Variants in GLS2 observed in about 807,000 individuals in gnomAD.
The protein encoded by GLS2 is glutaminase 2.
GLS2 carries 52 observed loss-of-function variants against 79.0 expected under a neutral mutation model. The ratio of observed to expected loss-of-function variants is 0.66; its 90% CI spans 0.53 to 0.83. The LOEUF (loss-of-function observed/expected upper bound fraction) is 0.83, where lower values mean the gene tolerates loss of function less well. Ranked by LOEUF, GLS2 falls within the 40% of genes least tolerant of loss-of-function variation. The pLI is 0.00. For synonymous variants in GLS2, 238 were observed against 280.8 expected (o/e 0.85, Z 1.52); for missense variants, 561 against 764.8 (o/e 0.73, Z 3.14).
Position 56,473,285 on chromosome 12 carries a change from G to C in GLS2, c.1392C>G (p.Asp464Glu). The change falls in exon 14 of 18, where the codon GAC becomes GAG. Residue 464 changes from aspartate (D) to glutamate (E), a missense_variant. Physicochemically the swap from Asp to Glu is conservative, Grantham distance 45. Transcript: ENST00000311966. ...LVSLFNFHNY[D>E]NLRHCARKLD... Reference sequence around the variant, plus strand: ...ACTTCCGAGCACAGTGCCTCAGGTTGTCATAGTTGTGGAAATTGAAGAGAG... The same window carrying C: ...ACTTCCGAGCACAGTGCCTCAGGTTCTCATAGTTGTGGAAATTGAAGAGAG... The C allele has an allele frequency of 6.2e-7, 1 of 1,614,110 alleles. No homozygotes were observed. The highest frequency in any genetic ancestry group is 8.5e-7 in the Non-Finnish European group (1 of 1,180,032).
intron 15 of GLS2, 184 bp downstream of exon 15, chr12:56,472,503 TATC>T (rs1178866527): frequency 6.4e-6 from 4 of 621,672 alleles, no homozygotes; most frequent in Non-Finnish European, 1.1e-5. Flanking sequence ...TAACATTAAT[TATC>T]ATAGAGCAGA....
chr12:56,471,427 G>A lies in GLS2; in HGVS notation c.*60C>T, dbSNP rs913483652. The A allele has an allele frequency of 2.0e-6, 3 of 1,525,676 alleles. No individual in the cohort carries two copies. The highest frequency in any genetic ancestry group is 2.7e-6 in the Non-Finnish European group (3 of 1,131,966). 94.5% of individuals were successfully genotyped at this position (1,525,676 alleles called of 1,614,324 possible). A position where few individuals can be genotyped will look rare whatever the true frequency, so the allele number is the denominator to read the frequency against. ...TCTCCATAGTATTTTTGGTGGTTAT[G>A]GATTACATGTGTGGCCAGCTCATGC... is the stretch of plus-strand genomic sequence containing the variant. On this transcript the variant is annotated 3_prime_UTR_variant, in exon 18 of 18. Transcript: ENST00000311966.
At position 56,475,956 on chromosome 12, in the gene GLS2, T is replaced by G; in HGVS notation, c.859A>C (p.Lys287Gln). ...LIKMDCNKAE[K>Q]FDFVLQYLNK... ...GCAAGGGAACTTACAAAATCAAACT[T>G]CTCTGCTTTGTTACAGTCCATCTGC... The change falls in exon 8 of 18, where the codon AAG becomes CAG. Residue 287 changes from lysine to glutamine, a missense_variant. By Grantham distance (53) the Lys-to-Gln change is moderately conservative (BLOSUM62 1). Transcript: ENST00000311966. 6.2e-7 allele frequency: 1 copy of G among 1,613,714 alleles called. No homozygotes were observed. Among genetic ancestry groups the G allele is most frequent in the South Asian group, 1.1e-5 (1 of 91,080 alleles).
chr12:56,480,013 G>T, intron 2 of GLS2, 112 bp from the exon 3 acceptor site: 1 of 1,359,986 alleles, frequency 7.4e-7, no homozygotes, highest in Non-Finnish European at 1.0e-6. Context: ...TACAATAGGT[G>T]GAACAAATGG....
intron 14 of GLS2, 195 bp from the exon 15 acceptor site, chr12:56,472,946 G>A (rs1460249414): frequency 8.7e-6 from 5 of 573,504 alleles, no homozygotes; most frequent in African/African-American, 2.0e-5. Context: ...GAAGTGTAGT[G>A]GCGCGCGGTC....
chr12:56,477,906 T>A (rs749235154), intron 6 of GLS2, 27 bp downstream of exon 6: 2 of 1,603,186 alleles, frequency 1.2e-6, no homozygotes, highest in East Asian at 2.2e-5. Flanking sequence ...CAGCTGTAAG[T>A]ACGGTCTGAG....
Position 56,471,619 on chromosome 12 carries a change from A to G in GLS2, c.1677T>C (p.Asp559=), listed in dbSNP as rs1869269386. Reference sequence around the variant, plus strand: ...CCTCCAGATGGTTGAACTGCACAGCATCATCCAGGGGAATGTTGCCCCACC... The same window carrying G: ...CCTCCAGATGGTTGAACTGCACAGCGTCATCCAGGGGAATGTTGCCCCACC... ...KDRWGNIPLD[D]AVQFNHLEVV... Residue 559 remains aspartate (D), a synonymous_variant, in exon 18 of 18, where the codon GAT becomes GAC. Transcript: ENST00000311966. 1.2e-6 allele frequency: 2 copies of G among 1,614,144 alleles called. No individual in the cohort carries two copies. Among genetic ancestry groups the G allele is most frequent in the Non-Finnish European group, 1.7e-6 (2 of 1,180,026 alleles).
At chr12:56,487,670 C>A in intron 1 of GLS2, 1 of 523,108 alleles carries the variant, frequency 1.9e-6, no homozygotes, top group Non-Finnish European at 3.3e-6. Context: ...ACACTCGGCG[C>A]GCATCTGTGA....
intron 8 of GLS2, 131 bp from the exon 9 acceptor site, chr12:56,475,813 C>T (rs1389822974): frequency 1.4e-6 from 2 of 1,402,218 alleles, no homozygotes; most frequent in African/African-American, 2.8e-5. Context: ...CAGATTTCCA[C>T]ATTTCTGGAA....
chr12:56,473,265 C>A lies in GLS2; in HGVS notation c.1412G>T (p.Arg471Leu), dbSNP rs771248266. ...HNYDNLRHCA[R>L]KLDPRREGAE... ...CCCTTCACGCCGTGGGTCTAACTTCCGAGCACAGTGCCTCAGGTTGTCATA... is the reference window on the plus strand; with the variant it reads ...CCCTTCACGCCGTGGGTCTAACTTCAGAGCACAGTGCCTCAGGTTGTCATA... Residue 471 changes from arginine to leucine, a missense_variant, in exon 14 of 18, where the codon CGG becomes CTG. Arg to Leu is a moderately radical substitution (Grantham distance 102, BLOSUM62 -2). This residue lies in a region of GLS2 where 136 missense variants were observed against 228.6 expected (regional missense o/e 0.59). Transcript: ENST00000311966. 6.2e-7 allele frequency: 1 copy of A among 1,614,116 alleles called. No homozygotes were observed. The highest frequency in any genetic ancestry group is 1.1e-5 in the South Asian group (1 of 91,080).
Position 56,485,962 on chromosome 12 carries a change from G to A in GLS2, c.182+1975C>T, listed in dbSNP as rs569936995. ...GAAGCTGAGGCAGAGGTTGCAGTGAGCCGAGATTGCGCCACTGCACTCCAG... is the reference window on the plus strand; with the variant it reads ...GAAGCTGAGGCAGAGGTTGCAGTGAACCGAGATTGCGCCACTGCACTCCAG... On this transcript the variant is annotated intron_variant, in intron 1 of 17. Transcript: ENST00000311966. 6.6e-5 allele frequency among the ~76,000 whole-genome samples: 9 copies of A among 137,358 alleles called. No individual in the cohort carries two copies. The Admixed American group carries it at 7.5e-4, about 11-fold the overall frequency. The allele number at this position is 137,358 out of a possible 152,430, so 90.1% of individuals were successfully genotyped here.
At position 56,473,448 on chromosome 12, in the gene GLS2, T is replaced by C. The variant is rs1029782926; in HGVS notation, c.1356+15A>G. On this transcript the variant is annotated intron_variant, in intron 13 of 17. Transcript: ENST00000311966. Reference sequence around the variant, plus strand: ...TGCTTCAAAAATAGTAAGTACTATATGCAAAGCATCTCACCTGGCAGAAGC... The same window carrying C: ...TGCTTCAAAAATAGTAAGTACTATACGCAAAGCATCTCACCTGGCAGAAGC... The C allele has an allele frequency of 6.2e-7, 1 of 1,609,516 alleles. No individual in the cohort carries two copies. The highest frequency in any genetic ancestry group is 1.3e-5 in the African/African-American group (1 of 74,760).
intron 1 of GLS2, among the ~76,000 whole-genome samples, chr12:56,483,182 G>GT (rs1233634031): frequency 6.6e-6 from 1 of 150,894 alleles, no homozygotes; most frequent in Non-Finnish European, 1.5e-5. Flanking sequence ...CTGGGTTCAA[G>GT]TGATTCTCCT....
intron 1 of GLS2, among the ~76,000 whole-genome samples, chr12:56,483,552 AAG>A (rs1345578520): frequency 6.6e-6 from 1 of 152,186 alleles, no homozygotes; most frequent in African/African-American, 2.4e-5. Context: ...TATTAACTAA[AAG>A]AAGCGTGCTG....
intron 1 of GLS2, 120 bp from the exon 2 acceptor site, chr12:56,480,507 C>T: frequency 1.4e-6 from 1 of 738,814 alleles, no homozygotes; most frequent in Non-Finnish European, 2.5e-6. Context: ...CTCCTTAAGC[C>T]ATCTGATCTA....
chr12:56,486,432 G>A (rs770232212), intron 1 of GLS2, among the ~76,000 whole-genome samples: 2 of 152,228 alleles, frequency 1.3e-5, no homozygotes, highest in Non-Finnish European at 2.9e-5. Flanking sequence ...GGAAGTTGGG[G>A]TGGAGACTAG....
At chr12:56,472,040 C>T (rs1565700521) in intron 16 of GLS2, 79 bp downstream of exon 16, 2 of 1,491,780 alleles carry the variant, frequency 1.3e-6, no homozygotes, top group Non-Finnish European at 9.3e-7. Context: ...CTTGAGGGCA[C>T]ATATAATGAA....
chr12:56,482,160 G>A (rs538504600), intron 1 of GLS2, among the ~76,000 whole-genome samples: 1 of 152,244 alleles, frequency 6.6e-6, no homozygotes, highest in South Asian at 2.1e-4. Flanking sequence ...GAGCCTGGGA[G>A]GTGGAGGTTA....
chr12:56,481,557 A>G (rs1168453847), intron 1 of GLS2, among the ~76,000 whole-genome samples: 1 of 151,234 alleles, frequency 6.6e-6, no homozygotes, highest in Non-Finnish European at 1.5e-5. Flanking sequence ...CTACTCAAAA[A>G]CGTTTGGTAG....
Sources: gnomAD v4.1 joint callset for allele counts (sites outside exome capture counted in the v4.1 genomes callset) on GRCh38, gnomAD v4.1.1 for gene constraint, gnomAD v4.1.1 regional missense constraint, MANE v1.5 for transcripts, NCBI Gene and HGNC (gene_info 2026-07-23, HGNC 2026-07-21) for gene names.